PTPRN2: variants seen among roughly 807,000 people sequenced by gnomAD.
The protein encoded by PTPRN2 is receptor-type tyrosine-protein phosphatase N2.
PTPRN2 carries 74 observed loss-of-function variants against 118.8 expected under a neutral mutation model. That is an observed-to-expected ratio of 0.62 (90% CI 0.52 to 0.76). PTPRN2 has a LOEUF of 0.76. Ranked by LOEUF, PTPRN2 falls within the 30% of genes least tolerant of loss-of-function variation. PTPRN2 has a pLI of 0.00. For synonymous variants in PTPRN2, 641 were observed against 608.0 expected (o/e 1.05, Z -0.80); for missense variants, 1,481 against 1,394.4 (o/e 1.06, Z -0.99).
chr7:158,018,974 A>G (rs1330483345), intron 11 of PTPRN2, among the ~76,000 whole-genome samples: 16 of 132,052 alleles, frequency 1.2e-4, no homozygotes, highest in Admixed American at 1.2e-3. Flanking sequence ...AACAAAAAAA[A>G]AAAAAAAAAA....
chr7:158,386,298 C>T lies in PTPRN2; in HGVS notation c.164-69366G>A, dbSNP rs1264708456. ...CTCCCGTGCCCCAAGTCCCTCCTCC[C>T]GTGCCCCGAGTCCCTCCTCCCGTGC... On this transcript the variant is annotated intron_variant, in intron 2 of 22. Transcript: ENST00000389418. 9.4e-5 allele frequency among the ~76,000 whole-genome samples: 12 copies of T among 128,088 alleles called. No homozygotes were observed. The South Asian group carries it at 2.9e-3, about 31-fold the overall frequency. 84.0% of individuals were successfully genotyped at this position (128,088 alleles called of 152,430 possible).
rs553042223 is a variant in PTPRN2, at chr7:157,801,046, C to T, written c.1788+97627G>A. On this transcript the variant is annotated intron_variant, in intron 12 of 22. Coordinates refer to ENST00000389418, the MANE Select transcript of PTPRN2 (RefSeq NM_002847.5). This position sits in a 1 kb window ranked among gnomAD's most constrained non-coding sequence, Gnocchi z 4.2. ...ACATATATATACACATATATATACA[C>T]ATATATACACATATATATACACATA... Among the ~76,000 whole-genome samples, 1 of 146,848 alleles carries T rather than the reference C, an allele frequency of 6.8e-6. No individual in the cohort carries two copies.
At chr7:157,708,475 G>A (rs1798442011) in intron 12 of PTPRN2, among the ~76,000 whole-genome samples, 1 of 152,124 alleles carries the variant, frequency 6.6e-6, no homozygotes, top group Non-Finnish European at 1.5e-5. Flanking sequence ...TGGTGTGAGT[G>A]GCTCTCGGCC....
At chr7:158,121,788 G>A (rs1037856515) in intron 9 of PTPRN2, among the ~76,000 whole-genome samples, 8 of 152,198 alleles carry the variant, frequency 5.3e-5, no homozygotes, top group Non-Finnish European at 8.8e-5. Flanking sequence ...TGTACGGGAC[G>A]TGCAGTCCAC....
chr7:158,193,025 CG>C (rs1825904895), intron 4 of PTPRN2, among the ~76,000 whole-genome samples: 1 of 152,220 alleles, frequency 6.6e-6, no homozygotes, highest in African/African-American at 2.4e-5. Context: ...GCCACAGCCT[CG>C]GGACGTCCAT....
chr7:158,340,121 G>C (rs1371027272), intron 2 of PTPRN2, among the ~76,000 whole-genome samples: 14 of 56,176 alleles, frequency 2.5e-4, no homozygotes, highest in African/African-American at 8.5e-4. Context: ...ACCATAAGAG[G>C]TGACACCTGG....
chr7:158,089,179 T>A (rs577389544), intron 10 of PTPRN2, among the ~76,000 whole-genome samples: 3 of 19,756 alleles, frequency 1.5e-4, no homozygotes, highest in African/African-American at 2.3e-4. Flanking sequence ...TTCACACACA[T>A]CCTTCTTCCC....
At chr7:158,342,708 A>G (rs1310248066) in intron 2 of PTPRN2, among the ~76,000 whole-genome samples, 1 of 152,186 alleles carries the variant, frequency 6.6e-6, no homozygotes, top group Non-Finnish European at 1.5e-5. Context: ...CATATTCAGA[A>G]ACTAGAGCCC....
chr7:158,414,484 G>A (rs1814478620), intron 2 of PTPRN2, among the ~76,000 whole-genome samples: 1 of 152,134 alleles, frequency 6.6e-6, no homozygotes, highest in African/African-American at 2.4e-5. Flanking sequence ...TACAGTAATT[G>A]CATCTGTGAG....
Position 158,003,397 on chromosome 7 carries a change from C to G in PTPRN2, c.1723+77901G>C, listed in dbSNP as rs1417343923. ...CCACTGCACTCCAACCTGGGAGACA[C>G]AGCGAGACTCCGTCTCAAAAAAAAA... On this transcript the variant is annotated intron_variant, in intron 11 of 22. Coordinates refer to ENST00000389418, the MANE Select transcript of PTPRN2 (RefSeq NM_002847.5). The surrounding 1 kb of genome is among the most constrained non-coding windows in gnomAD (Gnocchi z 5.0). Among the ~76,000 whole-genome samples, 6 of 123,890 alleles carry G rather than the reference C, an allele frequency of 4.8e-5. No individual in the cohort carries two copies. Among genetic ancestry groups the G allele is most frequent in the African/African-American group, 1.3e-4 (4 of 31,834 alleles). 81.3% of individuals were successfully genotyped at this position (123,890 alleles called of 152,430 possible). A position where few individuals can be genotyped will look rare whatever the true frequency, so the allele number is the denominator to read the frequency against.
At chr7:157,733,061 A>G (rs1476119267) in intron 12 of PTPRN2, among the ~76,000 whole-genome samples, 1 of 33,466 alleles carries the variant, frequency 3.0e-5, no homozygotes, top group Admixed American at 2.9e-4. Context: ...TTTCCGTCCC[A>G]CGCGCCCAGC....
chr7:157,759,626 C>T (rs1247935064), intron 12 of PTPRN2, among the ~76,000 whole-genome samples: 4 of 152,298 alleles, frequency 2.6e-5, no homozygotes, highest in Middle Eastern at 3.4e-3. Flanking sequence ...CTGTCCGGGG[C>T]GGCCTGGCTT....
At chr7:157,846,180 C>A (rs1808788778) in intron 12 of PTPRN2, among the ~76,000 whole-genome samples, 1 of 151,888 alleles carries the variant, frequency 6.6e-6, no homozygotes, top group Admixed American at 6.6e-5. Context: ...GATGAGCCGC[C>A]AATATTCTAG....
chr7:157,763,595 A>G lies in PTPRN2; in HGVS notation c.1789-80658T>C, dbSNP rs1244501723. On this transcript the variant is annotated intron_variant, in intron 12 of 22. Transcript: ENST00000389418. The surrounding 1 kb of genome is among the most constrained non-coding windows in gnomAD (Gnocchi z 4.9). ...CAGCTGCCCCCCTGGCCATGGGGGA[A>G]GGCCACGCCCCTAACCTGACTGCAG... 1.3e-5 allele frequency among the ~76,000 whole-genome samples: 2 copies of G among 152,116 alleles called. No individual in the cohort carries two copies. Among genetic ancestry groups the G allele is most frequent in the Non-Finnish European group, 2.9e-5 (2 of 68,016 alleles).
At chr7:157,790,020 A>AGGTGTGTGTGG (rs1554447362) in intron 12 of PTPRN2, among the ~76,000 whole-genome samples, 1 of 102,368 alleles carries the variant, frequency 9.8e-6, no homozygotes, top group Admixed American at 1.0e-4. Context: ...TGTGGTGTGA[A>AGGTGTGTGTGG]TGTGTGTGTG....
At chr7:158,179,194 C>A (rs1251042926) in intron 5 of PTPRN2, among the ~76,000 whole-genome samples, 2 of 152,166 alleles carry the variant, frequency 1.3e-5, no homozygotes, top group Non-Finnish European at 2.9e-5. Context: ...TAATAATAGT[C>A]ATTCTTGCAG....
intron 11 of PTPRN2, among the ~76,000 whole-genome samples, chr7:157,931,834 A>G (rs1053322223): frequency 2.0e-5 from 3 of 152,178 alleles, no homozygotes; most frequent in African/African-American, 7.2e-5. Context: ...TCTCCTGAGC[A>G]TGAGCATGTG....
chr7:158,240,586 A>C (rs981638907), intron 3 of PTPRN2, among the ~76,000 whole-genome samples: 2 of 151,930 alleles, frequency 1.3e-5, no homozygotes, highest in Non-Finnish European at 1.5e-5. Flanking sequence ...GTGCCACCAC[A>C]CCCGGCTAAT....
At chr7:158,453,490 G>A (rs951459483) in intron 2 of PTPRN2, among the ~76,000 whole-genome samples, 1 of 152,172 alleles carries the variant, frequency 6.6e-6, no homozygotes, top group Admixed American at 6.5e-5. Context: ...AGTGCAGGGG[G>A]CACCACAGGG....
Sources: gnomAD v4.1 joint callset for allele counts (sites outside exome capture counted in the v4.1 genomes callset) on GRCh38, gnomAD v4.1.1 for gene constraint, Gnocchi (gnomAD v3.1) non-coding constraint, MANE v1.5 for transcripts, NCBI Gene and HGNC (gene_info 2026-07-23, HGNC 2026-07-21) for gene names.